The following MCC variants were observed in gnomAD, a reference collection of about 807,000 sequenced individuals.
The protein encoded by MCC is colorectal mutant cancer protein.
A neutral mutation model predicts 116.2 loss-of-function variants in MCC; 90 were observed. The observed-to-expected ratio is 0.77, with a 90% CI of 0.65 to 0.92. The LOEUF (loss-of-function observed/expected upper bound fraction) is 0.92. Among genes scored for constraint, MCC ranks in the 40% least tolerant of loss-of-function variants. The probability of loss-of-function intolerance (pLI) is 0.00; values close to 1 mark genes in which losing one functional copy is unlikely to be tolerated. For synonymous variants in MCC, 578 were observed against 510.5 expected, an observed-to-expected ratio of 1.13 and a Z score of -1.78; for missense variants, 1,516 against 1,312.2, an observed-to-expected ratio of 1.16 and a Z score of -2.40.
At chr5:113,172,077 A>G (rs1269066600) in intron 3 of MCC, among the ~76,000 whole-genome samples, 1 of 152,140 alleles carries the variant, frequency 6.6e-6, no homozygotes, top group East Asian at 1.9e-4. Flanking sequence ...AACAGGTAGG[A>G]CCCTTTTCTC....
chr5:113,360,550 T>C (rs1435243423), intron 2 of MCC, among the ~76,000 whole-genome samples: 9 of 152,228 alleles, frequency 5.9e-5, no homozygotes, highest in Admixed American at 5.9e-4. Context: ...TGAAGCTGTC[T>C]GGGCCTGGAA....
intron 6 of MCC, among the ~76,000 whole-genome samples, chr5:113,115,815 A>G (rs1256895711): frequency 6.6e-6 from 1 of 152,246 alleles, no homozygotes; most frequent in Non-Finnish European, 1.5e-5. Flanking sequence ...AATAAGAATG[A>G]TACCCAGTTT....
intron 5 of MCC, among the ~76,000 whole-genome samples, chr5:113,133,199 G>T (rs1261731704): frequency 6.6e-6 from 1 of 151,972 alleles, no homozygotes; most frequent in Non-Finnish European, 1.5e-5. Flanking sequence ...AAATATTATA[G>T]TCACTCTATT....
chr5:113,202,162 C>T (rs1762710292), intron 3 of MCC, among the ~76,000 whole-genome samples: 1 of 151,804 alleles, frequency 6.6e-6, no homozygotes, highest in Admixed American at 6.6e-5. Flanking sequence ...GCCTTAGACA[C>T]TTCTGAATGA....
chr5:113,400,224 G>T (rs933456931), intron 1 of MCC, among the ~76,000 whole-genome samples: 6 of 142,550 alleles, frequency 4.2e-5, no homozygotes, highest in African/African-American at 1.3e-4. Context: ...CCGGGTTCAA[G>T]TGATTCTCCC....
intron 6 of MCC, among the ~76,000 whole-genome samples, chr5:113,122,363 A>ATCCCT (rs1324854556): frequency 6.6e-6 from 1 of 152,064 alleles, no homozygotes; most frequent in East Asian, 1.9e-4. Context: ...CCCCCATCCC[A>ATCCCT]TCCCTTCCCT....
In MCC at chr5:113,434,161, T is replaced by A; in HGVS notation, c.171-48949A>T. The A allele has an allele frequency of 3.7e-6, 6 of 1,614,198 alleles. No individual in the cohort carries two copies. The highest frequency in any genetic ancestry group is 5.1e-6 in the Non-Finnish European group (6 of 1,180,026). The stretch of plus-strand genomic sequence containing the variant: ...AAGTTGACGCGGTGCTCCTTCTGGA[T>A]ACGCAGCATCTTCTTGATGTTGGAG... On this transcript the variant is annotated intron_variant, in intron 1 of 18. Coordinates refer to ENST00000408903, the MANE Select transcript of MCC (RefSeq NM_001085377.2). The surrounding 1 kb of genome is among the most constrained non-coding windows in gnomAD (Gnocchi z 4.2).
chr5:113,420,072 AAT>A (rs1770283834), intron 1 of MCC, among the ~76,000 whole-genome samples: 3 of 151,176 alleles, frequency 2.0e-5, no homozygotes, highest in South Asian at 2.1e-4. Flanking sequence ...AAAAAGGTGA[AAT>A]ATGTTATATG....
intron 1 of MCC, among the ~76,000 whole-genome samples, chr5:113,483,831 G>T (rs1027779817): frequency 1.3e-5 from 2 of 152,042 alleles, no homozygotes; most frequent in East Asian, 3.9e-4. Context: ...AGAAAGTGTG[G>T]TATGTATATG....
intron 3 of MCC, among the ~76,000 whole-genome samples, chr5:113,191,278 C>G (rs1343537160): frequency 6.6e-6 from 1 of 152,160 alleles, no homozygotes; most frequent in Non-Finnish European, 1.5e-5. Context: ...TCTTCTTCTT[C>G]TTGGGTTTGT....
intron 3 of MCC, among the ~76,000 whole-genome samples, chr5:113,281,978 A>C (rs1246252747): frequency 1.3e-5 from 2 of 152,224 alleles, no homozygotes; most frequent in Non-Finnish European, 2.9e-5. Flanking sequence ...AGGCACTGTG[A>C]TAATCACTAT....
chr5:113,034,471 A>C lies in MCC; in HGVS notation c.2757-5415T>G, dbSNP rs369110142. ...CAGCGGTACTCTGTGATTAGAGTCC[A>C]ATTGAGGAGCTGCAGGAGTCATCGG... On this transcript the variant is annotated intron_variant, in intron 17 of 18. Transcript: ENST00000408903. Among the ~76,000 whole-genome samples, 180 of 152,336 alleles carry C rather than the reference A, an allele frequency of 1.2e-3. 1 individual carries two copies. The highest frequency in any genetic ancestry group is 4.2e-3 in the African/African-American group (174 of 41,582).
Position 113,041,902 on chromosome 5 carries a change from CAGG to C in MCC, c.2756+1625_2756+1627del, listed in dbSNP as rs370723550. On this transcript the variant is annotated intron_variant, in intron 17 of 18. Transcript: ENST00000408903. Reference sequence around the variant, plus strand: ...TGCCAGCTAACTTGGGAGGCTGAGGCAGGAGAATTGTTTGAACCTGGGAGACCG... The same window carrying C: ...TGCCAGCTAACTTGGGAGGCTGAGGCAGAATTGTTTGAACCTGGGAGACCG... Among the ~76,000 whole-genome samples, 34 of 152,146 alleles carry C rather than the reference CAGG, an allele frequency of 2.2e-4. 1 individual carries two copies. The highest frequency in any genetic ancestry group is 7.9e-4 in the African/African-American group (33 of 41,530).
At chr5:113,410,577 T>C (rs1052386526) in intron 1 of MCC, among the ~76,000 whole-genome samples, 2 of 152,216 alleles carry the variant, frequency 1.3e-5, no homozygotes, top group Non-Finnish European at 2.9e-5. Flanking sequence ...GTAAAATGAA[T>C]TGTGCTACAT....
Position 113,254,229 on chromosome 5 carries a change from A to C in MCC, c.627+86290T>G, listed in dbSNP as rs373742983. ...TTCATATCCAGCCAAATTACCAATT[A>C]AGCATGAGGACGGATAAGCAGAGGC... On this transcript the variant is annotated intron_variant, in intron 3 of 18. Coordinates refer to ENST00000408903, the MANE Select transcript of MCC (RefSeq NM_001085377.2). 1.8e-4 allele frequency among the ~76,000 whole-genome samples: 27 copies of C among 152,354 alleles called. 4 individuals are homozygous for C. Among genetic ancestry groups the C allele is most frequent in the Admixed American group, 7.2e-4 (11 of 15,296 alleles).
intron 3 of MCC, among the ~76,000 whole-genome samples, chr5:113,306,261 G>A (rs1335568050): frequency 6.6e-6 from 1 of 151,858 alleles, no homozygotes; most frequent in Non-Finnish European, 1.5e-5. Context: ...AATTCTCTCG[G>A]GTATATACCT....
chr5:113,070,758 T>C (rs1753980005), intron 12 of MCC, among the ~76,000 whole-genome samples: 1 of 152,092 alleles, frequency 6.6e-6, no homozygotes, highest in Non-Finnish European at 1.5e-5. Flanking sequence ...AATGAAGAAC[T>C]AGAATGCACT....
At chr5:113,401,968 G>T (rs1377709905) in intron 1 of MCC, among the ~76,000 whole-genome samples, 1 of 151,826 alleles carries the variant, frequency 6.6e-6, no homozygotes, top group African/African-American at 2.4e-5. Context: ...TCCTGCCTCA[G>T]CCTCCCAAGT....
At chr5:113,308,640 T>A (rs183142844) in intron 3 of MCC, among the ~76,000 whole-genome samples, 3 of 152,104 alleles carry the variant, frequency 2.0e-5, no homozygotes, top group African/African-American at 7.2e-5. Context: ...CTGGGCAACA[T>A]AGGGAGACCT....
Sources: allele counts gnomAD v4.1 joint callset (sites outside exome capture counted in the v4.1 genomes callset), GRCh38; gene constraint gnomAD v4.1.1; non-coding constraint Gnocchi (gnomAD v3.1); transcripts MANE v1.5; gene names NCBI Gene and HGNC (gene_info 2026-07-23, HGNC 2026-07-21).